The following ACLY variants were observed in gnomAD, a reference collection of about 807,000 sequenced individuals.
The protein encoded by ACLY is ATP citrate lyase, also known as ATP-citrate synthase.
Under a neutral mutation model 133.0 loss-of-function variants are expected in ACLY, and 41 were observed. The observed-to-expected ratio is 0.31, with a 90% confidence interval of 0.24 to 0.40. The LOEUF is 0.40. Ranked by LOEUF, ACLY falls within the 10% of genes least tolerant of loss-of-function variation. The pLI, the probability that ACLY is intolerant of heterozygous loss-of-function variation, is 1.00. For missense variants in ACLY, 1,046 were observed against 1,453.8 expected, an observed-to-expected ratio of 0.72 and a Z score of 4.56; for synonymous variants, 495 against 549.3, an observed-to-expected ratio of 0.90 and a Z score of 1.38.
At chr17:41,900,116 T>A (rs2049493624) in intron 11 of ACLY, among the ~76,000 whole-genome samples, 1 of 132,014 alleles carries the variant, frequency 7.6e-6, no homozygotes, top group African/African-American at 2.7e-5. Flanking sequence ...ATCTCAGCAC[T>A]TTGGGAGGCC....
chr17:41,869,041 A>G lies in ACLY; in HGVS notation c.3134+2T>C. 1.2e-6 allele frequency: 2 copies of G among 1,610,144 alleles called. No individual in the cohort carries two copies. The highest frequency in any genetic ancestry group is 1.7e-6 in the Non-Finnish European group (2 of 1,177,780). The stretch of plus-strand genomic sequence containing the variant: ...GAAGAAGAAAACAGCTACAATGCTC[A>G]CCGAGTAAAGGACCCACAGTTTCTA... On this transcript the variant is annotated splice_donor_variant, in intron 27 of 28. Coordinates refer to ENST00000352035, the MANE Select transcript of ACLY (RefSeq NM_001096.3). LOFTEE classifies it high-confidence loss of function.
At chr17:41,927,900 G>A (rs139808149) in intron 1 of ACLY, among the ~76,000 whole-genome samples, 3 of 151,904 alleles carry the variant, frequency 2.0e-5, no homozygotes, top group African/African-American at 7.2e-5. Flanking sequence ...ACTTTGAGAG[G>A]CCGCGGTGGG....
At position 41,896,093 on chromosome 17, in the gene ACLY, A is replaced by G. The variant is rs556123339; in HGVS notation, c.1459+527T>C. Among the ~76,000 whole-genome samples, 263 of 152,240 alleles carry G rather than the reference A, an allele frequency of 1.7e-3. 1 individual carries two copies. Among genetic ancestry groups the G allele is most frequent in the South Asian group, 5.0e-3 (24 of 4,816 alleles). The stretch of plus-strand genomic sequence containing the variant: ...TTTGTTCCTCCACCACAACCCCAGA[A>G]AAAGATAAACTGGTCCCTGGAGCTT... On this transcript the variant is annotated intron_variant, in intron 14 of 28. Coordinates refer to ENST00000352035, the MANE Select transcript of ACLY (RefSeq NM_001096.3).
rs782042431 is a variant in ACLY, at chr17:41,880,735, G to A, written c.2266-1811C>T. Among the ~76,000 whole-genome samples the A allele has an allele frequency of 2.0e-5, 3 of 152,002 alleles. No homozygotes were observed. The South Asian group carries it at 6.2e-4, about 32-fold the overall frequency. ...AAAAAAATTAGCCGAGTGTGGTGGTGGGCGTCTGTAATCCCAACTACTTGG... is the reference window on the plus strand; with the variant it reads ...AAAAAAATTAGCCGAGTGTGGTGGTAGGCGTCTGTAATCCCAACTACTTGG... On this transcript the variant is annotated intron_variant, in intron 20 of 28. Transcript: ENST00000352035.
In ACLY at chr17:41,909,054, A is replaced by G; in HGVS notation, c.551T>C (p.Phe184Ser). ...PEDKKEILAS[F>S]ISGLFNFYED... ...GTAGAAATTGAAGAGGCCGGAGATA[A>G]AACTGGCCAGAATTCTAGAGGTGGG... The change falls in exon 6 of 29, where the codon TTT becomes TCT. Residue 184 changes from phenylalanine (F) to serine (S), a missense_variant. By Grantham distance (155) the Phe-to-Ser change is radical. Coordinates refer to ENST00000352035, the MANE Select transcript of ACLY (RefSeq NM_001096.3). 1.2e-6 allele frequency: 2 copies of G among 1,612,332 alleles called. No individual in the cohort carries two copies. The highest frequency in any genetic ancestry group is 2.2e-5 in the East Asian group (1 of 44,864).
intron 9 of ACLY, 148 bp downstream of exon 9, chr17:41,905,374 A>C: frequency 9.2e-7 from 1 of 1,083,922 alleles, no homozygotes; most frequent in South Asian, 1.5e-5. Context: ...CAGTCAGAGA[A>C]ACTGAGAGCC....
intron 22 of ACLY, among the ~76,000 whole-genome samples, chr17:41,876,295 G>T (rs1439713052): frequency 6.7e-6 from 1 of 150,250 alleles, no homozygotes; most frequent in Non-Finnish European, 1.5e-5. Flanking sequence ...GAGGTGGGGG[G>T]GTCAGCCCCC....
chr17:41,915,959 G>A (rs1555634443), intron 1 of ACLY, among the ~76,000 whole-genome samples: 1 of 152,168 alleles, frequency 6.6e-6, no homozygotes, highest in Non-Finnish European at 1.5e-5. Context: ...AGAAGTCTGA[G>A]ACTCCCAGTA....
At chr17:41,922,336 G>A (rs1461768077), upstream of ACLY, among the ~76,000 whole-genome samples, 3 of 134,868 alleles carry the variant, frequency 2.2e-5, no homozygotes, top group Admixed American at 8.6e-5. Flanking sequence ...CCGAGATCAC[G>A]CCACTGCACT....
rs1555624209 is a variant in ACLY at position 41,867,898 on chromosome 17, T to C, written c.3218A>G (p.Tyr1073Cys). The change falls in exon 29 of 29, where the codon TAT (tyrosine) becomes TGT (cysteine). Residue 1073 changes from tyrosine (Y) to cysteine (C), a missense_variant. Transcript: ENST00000352035. ...LGRSMGFIGH[Y>C]LDQKRLKQGL... ...CTGCTTCAGCCTCTTCTGATCAAGATAGTGTCCTAAAATGAAGCAAACACA... is the reference window on the plus strand; with the variant it reads ...CTGCTTCAGCCTCTTCTGATCAAGACAGTGTCCTAAAATGAAGCAAACACA... 3 of 1,609,852 alleles carry C rather than the reference T, an allele frequency of 1.9e-6. No homozygotes were observed. The highest frequency in any genetic ancestry group is 1.1e-5 in the South Asian group (1 of 90,544).
rs2049092611 is a variant in ACLY, at chr17:41,887,684, A to G, written c.1790T>C (p.Ile597Thr). The G allele has an allele frequency of 1.2e-6, 2 of 1,613,626 alleles. No homozygotes were observed. The highest frequency in any genetic ancestry group is 1.7e-6 in the Non-Finnish European group (2 of 1,179,664). Reference protein sequence around the residue: ...NYAQIRTIAIIAEGIPEALTR... With the variant: ...NYAQIRTIAITAEGIPEALTR... ...GAGGGCCTCAGGGATGCCTTCAGCTATGATGGCGATGGTCCGGATCTAGAG... is the reference window on the plus strand; with the variant it reads ...GAGGGCCTCAGGGATGCCTTCAGCTGTGATGGCGATGGTCCGGATCTAGAG... Residue 597 changes from isoleucine to threonine, a missense_variant, in exon 17 of 29, where the codon ATA (isoleucine) becomes ACA (threonine). By Grantham distance (89) the Ile-to-Thr change is moderately conservative. Coordinates refer to ENST00000352035, the MANE Select transcript of ACLY (RefSeq NM_001096.3).
intron 22 of ACLY, among the ~76,000 whole-genome samples, chr17:41,877,726 A>G (rs1292012280): frequency 6.6e-6 from 1 of 152,156 alleles, no homozygotes; most frequent in African/African-American, 2.4e-5. Flanking sequence ...ATCAGCTTCC[A>G]GCAAATATAA....
In ACLY at chr17:41,886,376, C is replaced by T. The variant is rs1266848041; in HGVS notation, c.1876-68G>A. The stretch of plus-strand genomic sequence containing the variant: ...AGATTCACCACAAAGAATCACAAAG[C>T]CCCTGCATTACTGCCCAGCCCCTTC... On this transcript the variant is annotated intron_variant, in intron 17 of 28. Coordinates refer to ENST00000352035, the MANE Select transcript of ACLY (RefSeq NM_001096.3). 1.7e-5 allele frequency: 25 copies of T among 1,476,474 alleles called. No individual in the cohort carries two copies. In the African/African-American group the frequency reaches 3.1e-4, roughly 18 times the overall value. 91.5% of individuals were successfully genotyped at this position (1,476,474 alleles called of 1,614,324 possible).
intron 1 of ACLY, among the ~76,000 whole-genome samples, chr17:41,916,749 GA>G (rs1402769923): frequency 1.3e-5 from 2 of 151,946 alleles, no homozygotes; most frequent in African/African-American, 2.4e-5. Context: ...TTCTGAGACT[GA>G]AAAAAACCCC....
intron 17 of ACLY, 57 bp from the exon 18 acceptor site, chr17:41,886,365 G>A: frequency 6.6e-7 from 1 of 1,512,640 alleles, no homozygotes; most frequent in Non-Finnish European, 9.0e-7. Flanking sequence ...TCACCACAAA[G>A]AATCACAAAG....
chr17:41,887,370 G>A lies in ACLY; in HGVS notation c.1875+229C>T, dbSNP rs543772994. 2.5e-4 allele frequency among the ~76,000 whole-genome samples: 38 copies of A among 151,162 alleles called. 1 individual carries two copies. In the Middle Eastern group the frequency reaches 0.011, roughly 43 times the overall value. ...AGGAGAATCACTTGAACCCGGAAGC[G>A]GAGGTTGCAGTGAGCCAGGATCGCG... On this transcript the variant is annotated intron_variant, in intron 17 of 28. Transcript: ENST00000352035.
intron 1 of ACLY, among the ~76,000 whole-genome samples, chr17:41,928,069 G>C (rs1303130362): frequency 6.6e-6 from 1 of 152,108 alleles, no homozygotes; most frequent in East Asian, 1.9e-4. Flanking sequence ...AGCCCAGAAA[G>C]CAGAGGTTGC....
intron 1 of ACLY, 86 bp downstream of exon 1, chr17:41,918,794 G>A: frequency 2.4e-6 from 3 of 1,260,590 alleles, no homozygotes; most frequent in South Asian, 1.3e-5. Flanking sequence ...CCGCGTCGGG[G>A]AAGGCGGTTC....
At chr17:41,921,499 A>C (rs2050182558), upstream of ACLY, among the ~76,000 whole-genome samples, 1 of 150,650 alleles carries the variant, frequency 6.6e-6, no homozygotes, top group Non-Finnish European at 1.5e-5. Context: ...AAAAAAACAA[A>C]AAAGAAAAAA....
Sources: allele counts gnomAD v4.1 joint callset (sites outside exome capture counted in the v4.1 genomes callset), GRCh38; gene constraint gnomAD v4.1.1; transcripts MANE v1.5; gene names NCBI Gene and HGNC (gene_info 2026-07-23, HGNC 2026-07-21).